NECAB1: variants seen among roughly 807,000 people sequenced by gnomAD.
NECAB1 encodes the protein N-terminal EF-hand calcium binding protein 1.
NECAB1 carries 29 observed loss-of-function variants against 57.5 expected under a neutral mutation model. The observed-to-expected ratio is 0.50, with a 90% CI of 0.38 to 0.69. The LOEUF is 0.69. Ranked by LOEUF, NECAB1 falls within the 30% of genes least tolerant of loss-of-function variation. The pLI, the probability that NECAB1 is intolerant of heterozygous loss-of-function variation, is 0.00. For synonymous variants in NECAB1, 142 were observed against 147.7 expected (o/e 0.96, Z 0.28); for missense variants, 372 against 413.8 (o/e 0.90, Z 0.88).
Position 90,924,863 on chromosome 8 carries a change from A to G in NECAB1, c.495-672A>G, listed in dbSNP as rs79276966. Reference sequence around the variant, plus strand: ...TAATAGATAAAGCCTAAAACTAAAAATTAAAGACATAGCAATTTAAGCATG... The same window carrying G: ...TAATAGATAAAGCCTAAAACTAAAAGTTAAAGACATAGCAATTTAAGCATG... On this transcript the variant is annotated intron_variant, in intron 6 of 12. Transcript: ENST00000417640. Among the ~76,000 whole-genome samples the G allele has an allele frequency of 6.3e-3, 962 of 152,196 alleles. 5 individuals carry two copies. Among genetic ancestry groups the G allele is most frequent in the Middle Eastern group, 0.014 (4 of 292 alleles).
chr8:90,835,070 A>G (rs1260523772), intron 3 of NECAB1, among the ~76,000 whole-genome samples: 1 of 151,364 alleles, frequency 6.6e-6, no homozygotes, highest in Non-Finnish European at 1.5e-5. Flanking sequence ...TGTAACATGG[A>G]CTGCTCTTTA....
chr8:90,838,456 G>C (rs1168608168), intron 3 of NECAB1, among the ~76,000 whole-genome samples: 1 of 152,196 alleles, frequency 6.6e-6, no homozygotes, highest in East Asian at 1.9e-4. Context: ...CTCCAGTTCA[G>C]GGTTGCAGGT....
chr8:90,834,098 G>A (rs958727494), intron 3 of NECAB1, among the ~76,000 whole-genome samples: 12 of 149,084 alleles, frequency 8.0e-5, no homozygotes, highest in Non-Finnish European at 1.3e-4. Context: ...AGCAGGTGGC[G>A]GTTGCAGTGA....
intron 2 of NECAB1, among the ~76,000 whole-genome samples, chr8:90,813,654 G>T (rs1329534915): frequency 6.6e-6 from 1 of 152,012 alleles, no homozygotes; most frequent in Non-Finnish European, 1.5e-5. Flanking sequence ...AGCCTATTGA[G>T]TAGCTAGTAC....
At chr8:90,931,385 T>C (rs1291036454) in intron 8 of NECAB1, among the ~76,000 whole-genome samples, 3 of 152,248 alleles carry the variant, frequency 2.0e-5, no homozygotes, top group African/African-American at 2.4e-5. Context: ...GAAGGAAGTG[T>C]ACCTGCAGTG....
intron 3 of NECAB1, among the ~76,000 whole-genome samples, chr8:90,841,235 A>G (rs10090389): frequency 0.33 from 49,162 of 150,980 alleles, 9,251 homozygotes; most frequent in East Asian, 0.74. Context: ...ACTCCAGCCT[A>G]GGTGACAGAG....
At chr8:90,825,762 T>G (rs549430741) in intron 3 of NECAB1, among the ~76,000 whole-genome samples, 1 of 152,004 alleles carries the variant, frequency 6.6e-6, no homozygotes, top group African/African-American at 2.4e-5. Flanking sequence ...AACAACCAAT[T>G]TAGAAGTTTC....
intron 3 of NECAB1, among the ~76,000 whole-genome samples, chr8:90,868,741 T>C (rs1342447126): frequency 2.0e-5 from 3 of 152,182 alleles, no homozygotes; most frequent in African/African-American, 7.2e-5. Flanking sequence ...AAGCAGAGCA[T>C]AAAAGTTTAG....
chr8:90,948,415 A>T (rs904090639), intron 10 of NECAB1, among the ~76,000 whole-genome samples: 1 of 152,152 alleles, frequency 6.6e-6, no homozygotes, highest in African/African-American at 2.4e-5. Flanking sequence ...GAACACAAGC[A>T]GAACTAAAGA....
At chr8:90,832,265 C>G (rs1812308885) in intron 3 of NECAB1, among the ~76,000 whole-genome samples, 1 of 152,142 alleles carries the variant, frequency 6.6e-6, no homozygotes, top group South Asian at 2.1e-4. Context: ...ATTTCACTGG[C>G]ATCACTACCA....
At chr8:90,921,147 A>G (rs572190280) in intron 6 of NECAB1, among the ~76,000 whole-genome samples, 2 of 152,090 alleles carry the variant, frequency 1.3e-5, no homozygotes, top group East Asian at 3.9e-4. Context: ...CTCCCGAGTA[A>G]CTGGGACTAC....
At chr8:90,799,804 A>G (rs918970967) in intron 1 of NECAB1, among the ~76,000 whole-genome samples, 2 of 152,196 alleles carry the variant, frequency 1.3e-5, no homozygotes, top group African/African-American at 4.8e-5. Flanking sequence ...TTTTGGTTCC[A>G]TATGAATTTT....
intron 7 of NECAB1, among the ~76,000 whole-genome samples, chr8:90,927,121 A>C (rs1050134921): frequency 5.3e-5 from 8 of 151,776 alleles, no homozygotes; most frequent in African/African-American, 1.7e-4. Flanking sequence ...GATTAGAAAT[A>C]TTGTATTAGA....
intron 10 of NECAB1, 47 bp downstream of exon 10, chr8:90,940,945 TAC>T (rs754247329): frequency 6.6e-6 from 9 of 1,363,150 alleles, no homozygotes; most frequent in Non-Finnish European, 9.2e-6. Context: ...AGCCTGGGAA[TAC>T]AGTGAAGGCA....
At chr8:90,955,112 T>TATATATA (rs1811003571) in intron 12 of NECAB1, among the ~76,000 whole-genome samples, 2 of 70,816 alleles carry the variant, frequency 2.8e-5, no homozygotes, top group Non-Finnish European at 5.6e-5. Flanking sequence ...GGTATATAAA[T>TATATATA]TATATATATA....
chr8:90,857,063 A>AAAT lies in NECAB1; in HGVS notation c.234-15062_234-15060dup, dbSNP rs575914676. 8.4e-3 allele frequency among the ~76,000 whole-genome samples: 1,284 copies of AAAT among 152,292 alleles called. 4 individuals are homozygous for AAAT. Among genetic ancestry groups the AAAT allele is most frequent in the Non-Finnish European group, 0.012 (811 of 68,008 alleles). ...GAAAGCATTCCCTAGGGTAAGCACA[A>AAAT]AATAAACTTTTTATCAGAAAATATT... On this transcript the variant is annotated intron_variant, in intron 3 of 12. Coordinates refer to ENST00000417640, the MANE Select transcript of NECAB1 (RefSeq NM_022351.5).
chr8:90,837,696 A>G (rs149281720), intron 3 of NECAB1, among the ~76,000 whole-genome samples: 150 of 152,322 alleles, frequency 9.8e-4, no homozygotes, highest in African/African-American at 2.9e-3. Context: ...AGTGGAAATA[A>G]TAGAATTGTG....
In NECAB1 at chr8:90,957,435, TC is replaced by T. The variant is rs766444205; in HGVS notation, c.*1925del. On this transcript the variant is annotated 3_prime_UTR_variant, in exon 13 of 13. Coordinates refer to ENST00000417640, the MANE Select transcript of NECAB1 (RefSeq NM_022351.5). The stretch of plus-strand genomic sequence containing the variant: ...TACTAAGTGGAAGGGATCTGCAGAT[TC>T]CAAACTGGAATAAGCTCTATCATAT... 3 of 151,774 alleles carry T rather than the reference TC, an allele frequency of 2.0e-5. No individual in the cohort carries two copies. The East Asian group carries it at 5.8e-4, about 29-fold the overall frequency. 9.4% of individuals were successfully genotyped at this position (151,774 alleles called of 1,614,324 possible). A position where few individuals can be genotyped will look rare whatever the true frequency, so the allele number is the denominator to read the frequency against.
At chr8:90,949,015 C>CA (rs1810868698) in intron 10 of NECAB1, among the ~76,000 whole-genome samples, 1 of 151,976 alleles carries the variant, frequency 6.6e-6, no homozygotes, top group Non-Finnish European at 1.5e-5. Context: ...TCGGGCTAGT[C>CA]AAAGGACTGG....
Sources: allele counts gnomAD v4.1 joint callset (sites outside exome capture counted in the v4.1 genomes callset), GRCh38; gene constraint gnomAD v4.1.1; transcripts MANE v1.5; gene names NCBI Gene and HGNC (gene_info 2026-07-23, HGNC 2026-07-21).